The following CACNG2 variants were observed in gnomAD, a reference collection of about 807,000 sequenced individuals.
CACNG2 encodes the protein voltage-dependent calcium channel gamma-2 subunit.
In CACNG2, 3 loss-of-function variants were observed where a neutral mutation model predicts 25.9. The ratio of observed to expected loss-of-function variants is 0.12; its 90% confidence interval spans 0.05 to 0.30. CACNG2 has a LOEUF of 0.30. Among genes scored for constraint, CACNG2 ranks in the 10% least tolerant of loss-of-function variants. The probability of loss-of-function intolerance (pLI) is 1.00; values close to 1 mark genes in which losing one functional copy is unlikely to be tolerated. For missense variants in CACNG2, 341 were observed against 432.5 expected (o/e 0.79, Z 1.88); for synonymous variants, 167 against 173.3 (o/e 0.96, Z 0.29).
chr22:36,661,553 G>T (rs1936794947), intron 1 of CACNG2, among the ~76,000 whole-genome samples: 1 of 152,206 alleles, frequency 6.6e-6, no homozygotes, highest in South Asian at 2.1e-4. Flanking sequence ...AGCATATTAA[G>T]CGATCCTGTC....
chr22:36,637,927 CAGG>C (rs1395140191), intron 1 of CACNG2, among the ~76,000 whole-genome samples: 1 of 151,614 alleles, frequency 6.6e-6, no homozygotes, highest in Non-Finnish European at 1.5e-5. Context: ...GAGGCTGAGG[CAGG>C]AGAATGGCTT....
chr22:36,649,740 A>G (rs1355111214), intron 1 of CACNG2, among the ~76,000 whole-genome samples: 1 of 152,174 alleles, frequency 6.6e-6, no homozygotes, highest in Non-Finnish European at 1.5e-5. Flanking sequence ...TGTTCTTGTG[A>G]CAGTGAATAA....
chr22:36,573,732 C>G (rs187629611), intron 2 of CACNG2, among the ~76,000 whole-genome samples: 13 of 152,318 alleles, frequency 8.5e-5, no homozygotes, highest in Non-Finnish European at 1.8e-4. Flanking sequence ...CAGTCTGACT[C>G]TAGGGTCTGT....
chr22:36,678,831 C>T (rs1369241392), intron 1 of CACNG2, among the ~76,000 whole-genome samples: 1 of 152,200 alleles, frequency 6.6e-6, no homozygotes, highest in Admixed American at 6.5e-5. Flanking sequence ...TCCCTGGGTA[C>T]ATTCACAGGG....
rs555308949 is a variant in CACNG2, at chr22:36,645,825, A to G, written c.211+56541T>C. ...CCCTTCATTCAACTTCCATTTCCAT[A>G]AACAAATGTGAAAAGAAACATTATA... is the stretch of plus-strand genomic sequence containing the variant. On this transcript the variant is annotated intron_variant, in intron 1 of 3. Coordinates refer to ENST00000300105, the MANE Select transcript of CACNG2 (RefSeq NM_006078.5). Among the ~76,000 whole-genome samples the G allele has an allele frequency of 1.8e-4, 27 of 152,330 alleles. 1 individual carries two copies. The highest frequency in any genetic ancestry group is 1.5e-5 in the Non-Finnish European group (1 of 68,034).
rs1453944438 is a variant in CACNG2, at chr22:36,663,949, C to A, written c.211+38417G>T. The stretch of plus-strand genomic sequence containing the variant: ...TTGCAGGGACGAGCACAAATCATGG[C>A]TAGGAGGGAACATACCTGAGTTCAT... On this transcript the variant is annotated intron_variant, in intron 1 of 3. Coordinates refer to ENST00000300105, the MANE Select transcript of CACNG2 (RefSeq NM_006078.5). Among the ~76,000 whole-genome samples the A allele has an allele frequency of 4.6e-5, 7 of 152,268 alleles. No homozygotes were observed. The South Asian group carries it at 6.2e-4, about 14-fold the overall frequency.
Position 36,561,321 on chromosome 22 carries a change from C to A in CACNG2, c.*3030G>T, listed in dbSNP as rs1249657225. ...TCTCCCTTCGCTCTCATCCTTGATC[C>A]CTTTAGGTCTGGAATCTGGTGGGAT... On this transcript the variant is annotated 3_prime_UTR_variant, in exon 4 of 4. Transcript: ENST00000300105. 1 of 152,258 alleles carries A rather than the reference C, an allele frequency of 6.6e-6. No individual in the cohort carries two copies. The highest frequency in any genetic ancestry group is 1.5e-5 in the Non-Finnish European group (1 of 68,100). 9.4% of individuals were successfully genotyped at this position (152,258 alleles called of 1,614,324 possible). A position where few individuals can be genotyped will look rare whatever the true frequency, so the allele number is the denominator to read the frequency against.
chr22:36,628,424 T>C (rs1048012961), intron 1 of CACNG2, among the ~76,000 whole-genome samples: 14 of 152,266 alleles, frequency 9.2e-5, no homozygotes, highest in African/African-American at 2.7e-4. Context: ...GCCTCTGCTC[T>C]GCACGATGTG....
At chr22:36,574,873 GT>G (rs1935288725) in intron 2 of CACNG2, among the ~76,000 whole-genome samples, 1 of 152,236 alleles carries the variant, frequency 6.6e-6, no homozygotes, top group African/African-American at 2.4e-5. Context: ...GACATGCTGA[GT>G]TTGAGATGCC....
intron 1 of CACNG2, among the ~76,000 whole-genome samples, chr22:36,676,781 C>T (rs1937025651): frequency 6.6e-6 from 1 of 152,210 alleles, no homozygotes; most frequent in Non-Finnish European, 1.5e-5. Context: ...AGCCCAGATT[C>T]TCTGCCTCCA....
At chr22:36,693,744 C>G (rs1295054346) in intron 1 of CACNG2, among the ~76,000 whole-genome samples, 1 of 152,184 alleles carries the variant, frequency 6.6e-6, no homozygotes, top group Non-Finnish European at 1.5e-5. Context: ...GCTGTTCCTG[C>G]TGTCTGAAGT....
chr22:36,695,572 A>G (rs994403152), intron 1 of CACNG2, among the ~76,000 whole-genome samples: 1 of 146,422 alleles, frequency 6.8e-6, no homozygotes, highest in African/African-American at 2.5e-5. Flanking sequence ...ATCTCTGGAC[A>G]TGCTGCCCTC....
At chr22:36,676,806 C>T (rs1937025998) in intron 1 of CACNG2, among the ~76,000 whole-genome samples, 1 of 152,216 alleles carries the variant, frequency 6.6e-6, no homozygotes, top group Non-Finnish European at 1.5e-5. Flanking sequence ...CGGTGCTGTT[C>T]CCTCTACCCC....
chr22:36,616,127 C>T (rs947348820), intron 1 of CACNG2, among the ~76,000 whole-genome samples: 1 of 152,170 alleles, frequency 6.6e-6, no homozygotes, highest in Non-Finnish European at 1.5e-5. Flanking sequence ...TACTTAACCT[C>T]TTGTTGCCCT....
intron 2 of CACNG2, among the ~76,000 whole-genome samples, chr22:36,580,300 C>T (rs969318460): frequency 6.6e-5 from 10 of 152,084 alleles, no homozygotes; most frequent in Non-Finnish European, 1.0e-4. Context: ...CTGCCTTGGC[C>T]GCCTTCTGCC....
At chr22:36,599,426 G>T (rs1055442260) in intron 1 of CACNG2, among the ~76,000 whole-genome samples, 1 of 152,154 alleles carries the variant, frequency 6.6e-6, no homozygotes, top group South Asian at 2.1e-4. Flanking sequence ...GCAGCTGGGC[G>T]TGGTGGCTCA....
At chr22:36,627,289 T>TGA (rs1470988650) in intron 1 of CACNG2, among the ~76,000 whole-genome samples, 1 of 150,352 alleles carries the variant, frequency 6.7e-6, no homozygotes, top group African/African-American at 2.4e-5. Context: ...CGTGTGTGTG[T>TGA]GTGTGTGTGT....
intron 1 of CACNG2, among the ~76,000 whole-genome samples, chr22:36,608,605 A>T (rs1935878859): frequency 6.6e-6 from 1 of 152,124 alleles, no homozygotes; most frequent in Non-Finnish European, 1.5e-5. Flanking sequence ...AGGTTCATAG[A>T]GGTGATAAAT....
intron 1 of CACNG2, among the ~76,000 whole-genome samples, chr22:36,641,566 T>C (rs1601431616): frequency 6.6e-6 from 1 of 152,120 alleles, no homozygotes; most frequent in Non-Finnish European, 1.5e-5. Context: ...GTTGGAAGGG[T>C]GGAGGAAGGC....
Sources: allele counts gnomAD v4.1 joint callset (sites outside exome capture counted in the v4.1 genomes callset), GRCh38; gene constraint gnomAD v4.1.1; transcripts MANE v1.5; gene names NCBI Gene and HGNC (gene_info 2026-07-23, HGNC 2026-07-21).